Variants in RYR2 observed in about 807,000 individuals in gnomAD.
The protein encoded by RYR2 is cardiac muscle ryanodine receptor-calcium release channel.
A neutral mutation model predicts 601.1 loss-of-function variants in RYR2; 227 were observed. That is an observed-to-expected ratio of 0.38 (90% CI 0.34 to 0.42). The LOEUF is 0.42. RYR2 is among the 10% of genes least tolerant of loss of function. The probability of loss-of-function intolerance (pLI) is 1.00; values close to 1 mark genes in which losing one functional copy is unlikely to be tolerated. For synonymous variants in RYR2, 2,223 were observed against 2,175.1 expected (o/e 1.02, Z -0.61); for missense variants, 4,646 against 6,156.5 (o/e 0.75, Z 8.21).
chr1:237,208,964 A>ATATATATATATATATATGTG (rs1329970102), intron 1 of RYR2, among the ~76,000 whole-genome samples: 5 of 104,584 alleles, frequency 4.8e-5, no homozygotes, highest in African/African-American at 1.6e-4. Flanking sequence ...ATATATATAT[A>ATATATATATATATATATGTG]TATATATATA....
In RYR2 at chr1:237,617,409, G is replaced by T; in HGVS notation, c.5839G>T (p.Val1947Phe). The change falls in exon 38 of 105, where the codon GTC becomes TTC. Residue 1947 changes from valine (V) to phenylalanine (F), a missense_variant. Coordinates refer to ENST00000366574, the MANE Select transcript of RYR2 (RefSeq NM_001035.3). ...QDNQRFRYNE[V>F]MQALNMSAAL... is the part of the protein sequence containing the mutation. ...CAATCAACGTTTCCGATACAACGAA[G>T]TCATGCAAGCCTTAAACATGTCAGC... 1 of 1,613,950 alleles carries T rather than the reference G, an allele frequency of 6.2e-7. No individual in the cohort carries two copies. Among genetic ancestry groups the T allele is most frequent in the Non-Finnish European group, 8.5e-7 (1 of 1,179,876 alleles).
intron 14 of RYR2, among the ~76,000 whole-genome samples, chr1:237,449,893 T>G (rs1218672393): frequency 6.6e-6 from 1 of 152,204 alleles, no homozygotes; most frequent in Non-Finnish European, 1.5e-5. Context: ...TTTATATTCC[T>G]GTAAATATTC....
chr1:237,580,372 G>C (rs1334535647), intron 29 of RYR2, among the ~76,000 whole-genome samples: 1 of 151,302 alleles, frequency 6.6e-6, no homozygotes, highest in Non-Finnish European at 1.5e-5. Context: ...GGCCAGGCTG[G>C]TCTCAAACTC....
rs750448252 is a variant in RYR2, at chr1:237,678,053, G to A, written c.8836G>A (p.Gly2946Ser). ...AAAACTCTTCAAATCTACAGATGGT[G>A]GCAGCAGAGGCAAAGGAGAACATTT... ...AHQYILEFDG[G>S]SRGKGEHFPY... Residue 2946 changes from glycine (G) to serine (S), a missense_variant, in exon 61 of 105, where the codon GGC becomes AGC. By Grantham distance (56) the Gly-to-Ser change is moderately conservative. Transcript: ENST00000366574. 6.3e-7 allele frequency: 1 copy of A among 1,598,028 alleles called. No individual in the cohort carries two copies. Among genetic ancestry groups the A allele is most frequent in the Non-Finnish European group, 8.6e-7 (1 of 1,166,810 alleles).
At chr1:237,490,530 T>C (rs1663214861) in intron 17 of RYR2, among the ~76,000 whole-genome samples, 1 of 152,024 alleles carries the variant, frequency 6.6e-6, no homozygotes, top group African/African-American at 2.4e-5. Flanking sequence ...AAAAAAAAGG[T>C]ATTCAGTTTT....
chr1:237,305,637 G>A (rs1347124533), intron 2 of RYR2, among the ~76,000 whole-genome samples: 6 of 152,182 alleles, frequency 3.9e-5, no homozygotes. Flanking sequence ...TCACCATGTT[G>A]CTTGGGCTGG....
At position 237,657,936 on chromosome 1, in the gene RYR2, T is replaced by C; in HGVS notation, c.8130-8T>C. 6.9e-7 allele frequency: 1 copy of C among 1,447,624 alleles called. No individual in the cohort carries two copies. The highest frequency in any genetic ancestry group is 9.3e-7 in the Non-Finnish European group (1 of 1,072,756). The allele number at this position is 1,447,624 out of a possible 1,614,324, so 89.7% of individuals were successfully genotyped here. On this transcript the variant is annotated splice_polypyrimidine_tract_variant and splice_region_variant and intron_variant, in intron 53 of 104. Coordinates refer to ENST00000366574, the MANE Select transcript of RYR2 (RefSeq NM_001035.3). ...AATCAAGCTCTTTTGTCTTTACTTT[T>C]CTCATAGTATTACAATTCCTGAGAA...
chr1:237,744,349 T>TAAAAAAAAA (rs752916603), intron 80 of RYR2, among the ~76,000 whole-genome samples: 6,128 of 140,474 alleles, frequency 0.044, 215 homozygotes, highest in East Asian at 0.13. Context: ...TTTGTTTGTT[T>TAAAAAAAAA]AAAAAAAAAA....
At chr1:237,126,152 G>A (rs1287924477) in intron 1 of RYR2, among the ~76,000 whole-genome samples, 4 of 151,744 alleles carry the variant, frequency 2.6e-5, no homozygotes, top group African/African-American at 7.3e-5. Context: ...CAGGAGAATC[G>A]CTTGAACCAG....
At chr1:237,320,505 A>G (rs1695524623) in intron 2 of RYR2, among the ~76,000 whole-genome samples, 1 of 152,216 alleles carries the variant, frequency 6.6e-6, no homozygotes, top group African/African-American at 2.4e-5. Flanking sequence ...GTAAAGATTA[A>G]TAGGACTCTG....
At chr1:237,258,440 G>T (rs1688208655) in intron 1 of RYR2, among the ~76,000 whole-genome samples, 2 of 152,086 alleles carry the variant, frequency 1.3e-5, no homozygotes, top group Admixed American at 1.3e-4. Context: ...TGGGAATCTG[G>T]CATTCATTAC....
chr1:237,311,611 C>A (rs1694575465), intron 2 of RYR2, among the ~76,000 whole-genome samples: 1 of 151,896 alleles, frequency 6.6e-6, no homozygotes, highest in African/African-American at 2.4e-5. Flanking sequence ...TCCTGAGTAG[C>A]TGGGACTATA....
At chr1:237,430,873 A>G (rs1037091271) in intron 12 of RYR2, among the ~76,000 whole-genome samples, 3 of 152,170 alleles carry the variant, frequency 2.0e-5, no homozygotes, top group African/African-American at 4.8e-5. Flanking sequence ...AATAGGGCTC[A>G]TATTTGAGGA....
intron 1 of RYR2, among the ~76,000 whole-genome samples, chr1:237,264,472 T>A (rs868623119): frequency 3.3e-5 from 5 of 152,192 alleles, no homozygotes; most frequent in African/African-American, 7.2e-5. Flanking sequence ...AAAGATCTCA[T>A]GTTGAGCTTT....
At chr1:237,150,816 G>A (rs897800191) in intron 1 of RYR2, among the ~76,000 whole-genome samples, 1 of 152,148 alleles carries the variant, frequency 6.6e-6, no homozygotes, top group Non-Finnish European at 1.5e-5. Context: ...AATTCCTCCA[G>A]ATTTTGGTTT....
At chr1:237,355,931 G>T in intron 3 of RYR2, 34 bp from the exon 4 acceptor site, 1 of 1,575,298 alleles carries the variant, frequency 6.3e-7, no homozygotes, top group South Asian at 1.2e-5. Context: ...GTATTTGTTT[G>T]TTTGTTATTT....
intron 100 of RYR2, among the ~76,000 whole-genome samples, chr1:237,813,431 A>G (rs1252378759): frequency 6.6e-6 from 1 of 152,214 alleles, no homozygotes; most frequent in Non-Finnish European, 1.5e-5. Context: ...GGTAGTGAGA[A>G]CAATATGTGA....
intron 34 of RYR2, among the ~76,000 whole-genome samples, chr1:237,600,875 A>G (rs1202830141): frequency 6.6e-6 from 1 of 152,230 alleles, no homozygotes; most frequent in African/African-American, 2.4e-5. Flanking sequence ...GCAAAGTGCA[A>G]ATCAAAACCA....
chr1:237,753,792 A>G (rs559488570), intron 80 of RYR2, among the ~76,000 whole-genome samples: 4 of 152,116 alleles, frequency 2.6e-5, no homozygotes, highest in Non-Finnish European at 4.4e-5. Flanking sequence ...TCAAGGTGTT[A>G]TTTTCCTGAG....
Sources: allele counts gnomAD v4.1 joint callset (sites outside exome capture counted in the v4.1 genomes callset), GRCh38; gene constraint gnomAD v4.1.1; transcripts MANE v1.5; gene names NCBI Gene and HGNC (gene_info 2026-07-23, HGNC 2026-07-21).